Variants in BAZ2B observed in about 807,000 individuals in gnomAD.
The protein encoded by BAZ2B is bromodomain adjacent to zinc finger domain protein 2B.
Under a neutral mutation model 246.0 loss-of-function variants are expected in BAZ2B, and 91 were observed. That is an observed-to-expected ratio of 0.37 (90% CI 0.31 to 0.44). The LOEUF is 0.44. Among genes scored for constraint, BAZ2B ranks in the 20% least tolerant of loss-of-function variants. The probability of loss-of-function intolerance (pLI) is 1.00; values close to 1 mark genes in which losing one functional copy is unlikely to be tolerated. For missense variants in BAZ2B, 2,332 were observed against 2,533.7 expected (o/e 0.92, Z 1.71); for synonymous variants, 855 against 860.0 (o/e 0.99, Z 0.10).
intron 8 of BAZ2B, chr2:159,435,149 A>G (rs546259940): frequency 1.3e-5 from 2 of 152,000 alleles, no homozygotes; most frequent in African/African-American, 4.8e-5. Flanking sequence ...TGGAGATTTC[A>G]CAAGTGTAAA....
At chr2:159,407,932 CTTT>C (rs1173051484) in intron 14 of BAZ2B, among the ~76,000 whole-genome samples, 1 of 152,140 alleles carries the variant, frequency 6.6e-6, no homozygotes, top group East Asian at 1.9e-4. Context: ...ATAAATATTT[CTTT>C]AACATTAAGA....
At chr2:159,316,508 G>C (rs1053662895), downstream of BAZ2B, among the ~76,000 whole-genome samples, 3 of 151,672 alleles carry the variant, frequency 2.0e-5, no homozygotes, top group Non-Finnish European at 2.9e-5. Flanking sequence ...TGGCTAACAC[G>C]GTGAAACCCC....
rs144939437 is a variant in BAZ2B, at chr2:159,484,670, A to C, written c.-2-5949T>G. Reference sequence around the variant, plus strand: ...TATCTCAAGTATTCCTGTTTTGTGTAATCATAGAGTTCATGAACACTGACA... The same window carrying C: ...TATCTCAAGTATTCCTGTTTTGTGTCATCATAGAGTTCATGAACACTGACA... On this transcript the variant is annotated intron_variant, in intron 2 of 36. Coordinates refer to ENST00000392783, the MANE Select transcript of BAZ2B (RefSeq NM_013450.4). Among the ~76,000 whole-genome samples, 37 of 152,312 alleles carry C rather than the reference A, an allele frequency of 2.4e-4. 1 individual carries two copies. In the East Asian group the frequency reaches 4.1e-3, roughly 17 times the overall value.
At position 159,448,274 on chromosome 2, in the gene BAZ2B, G is replaced by A. The variant is rs537143287; in HGVS notation, c.470C>T (p.Ser157Leu). Reference sequence around the variant, plus strand: ...GGGACCATTTCGATTACTTTTTCCCGAAGTCCTTGAATGGAATGAAGAAGA... The same window carrying A: ...GGGACCATTTCGATTACTTTTTCCCAAAGTCCTTGAATGGAATGAAGAAGA... ...HDSSSFHSRT[S>L]GKSNRNGPEK... Residue 157 changes from serine to leucine, a missense_variant, in exon 5 of 37, where the codon TCG becomes TTG. By Grantham distance (145) the Ser-to-Leu change is moderately radical. Around this residue, in one of 9 missense-constraint regions of BAZ2B, gnomAD observed 242 missense variants for 237.4 expected, o/e 1.02. Transcript: ENST00000392783. The A allele has an allele frequency of 1.9e-5, 31 of 1,611,850 alleles. No individual in the cohort carries two copies. Among genetic ancestry groups the A allele is most frequent in the Admixed American group, 3.4e-5 (2 of 59,386 alleles).
At chr2:159,329,828 G>A (rs947719434) in intron 34 of BAZ2B, among the ~76,000 whole-genome samples, 1 of 152,116 alleles carries the variant, frequency 6.6e-6, no homozygotes, top group Admixed American at 6.6e-5. Flanking sequence ...ATGTCTCCAA[G>A]TTTACTGCTT....
At chr2:159,669,708 C>T in the BAZ2B span, among the ~76,000 whole-genome samples, 8 of 152,158 alleles carry the variant, frequency 5.3e-5, no homozygotes, top group African/African-American at 1.7e-4. Context: ...GCTGTTTCTT[C>T]TTTTTATGCT....
At chr2:159,628,473 T>C in the BAZ2B span, among the ~76,000 whole-genome samples, 52 of 152,182 alleles carry the variant, frequency 3.4e-4, no homozygotes, top group African/African-American at 1.2e-3. Context: ...GAAACAGATA[T>C]ATAGACCAAT....
chr2:159,460,888 T>C (rs912427388), intron 3 of BAZ2B: 1 of 152,204 alleles, frequency 6.6e-6, no homozygotes, highest in Non-Finnish European at 1.5e-5. Flanking sequence ...ATTTCACTCT[T>C]GCATTCTAAA....
chr2:159,478,704 G>A lies in BAZ2B; in HGVS notation c.16C>T (p.Arg6Trp), dbSNP rs201823989. 7.2e-5 allele frequency: 115 copies of A among 1,590,928 alleles called. No homozygotes were observed. The highest frequency in any genetic ancestry group is 8.6e-5 in the Non-Finnish European group (100 of 1,168,670). ...GAGGAGGCTGCTGAGGATGGTAACC[G>A]TTCTCCAGACTCCATATCTATGAGA... is the stretch of plus-strand genomic sequence containing the variant. MESGE[R>W]LPSSAASSTT... Residue 6 changes from arginine (R) to tryptophan (W), a missense_variant, in exon 3 of 37, where the codon CGG (arginine) becomes TGG (tryptophan). This residue lies in a region of BAZ2B where 242 missense variants were observed against 237.4 expected (regional missense o/e 1.02). Coordinates refer to ENST00000392783, the MANE Select transcript of BAZ2B (RefSeq NM_013450.4).
intron 23 of BAZ2B, among the ~76,000 whole-genome samples, 163 bp downstream of exon 23, chr2:159,384,992 A>T (rs1014352932): frequency 6.6e-6 from 1 of 152,186 alleles, no homozygotes; most frequent in African/African-American, 2.4e-5. Context: ...ATACATGAAA[A>T]TATTATTAGT....
intron 1 of BAZ2B, among the ~76,000 whole-genome samples, chr2:159,605,051 AC>A (rs1693143083): frequency 6.6e-6 from 1 of 151,886 alleles, no homozygotes; most frequent in Non-Finnish European, 1.5e-5. Context: ...AGAGAGAGAG[AC>A]AGAGACAGGA....
chr2:159,397,445 A>G, intron 18 of BAZ2B, 56 bp from the exon 19 acceptor site: 1 of 1,132,116 alleles, frequency 8.8e-7, no homozygotes, highest in South Asian at 1.5e-5. Flanking sequence ...AGAACATGCT[A>G]AAAGTATTAA....
At chr2:159,587,946 T>C (rs1244356696) in intron 1 of BAZ2B, among the ~76,000 whole-genome samples, 2 of 152,002 alleles carry the variant, frequency 1.3e-5, no homozygotes, top group Non-Finnish European at 2.9e-5. Flanking sequence ...ATACCAACAC[T>C]TTGGGAGGCC....
At chr2:159,385,462 A>C (rs2062529117) in intron 22 of BAZ2B, 93 bp from the exon 23 acceptor site, 1 of 1,133,590 alleles carries the variant, frequency 8.8e-7, no homozygotes, top group Admixed American at 2.2e-5. Flanking sequence ...TTTGATTTAG[A>C]TACTACTGAC....
At chr2:159,387,572 A>G (rs1317509560) in intron 21 of BAZ2B, among the ~76,000 whole-genome samples, 1 of 152,148 alleles carries the variant, frequency 6.6e-6, no homozygotes, top group Non-Finnish European at 1.5e-5. Context: ...AAAACTATAG[A>G]TAATAGCTCA....
Position 159,427,853 on chromosome 2 carries a change from AATG to A in BAZ2B, c.2466+85_2466+87del. Reference sequence around the variant, plus strand: ...CCATATGAACTAATTAAAGAAAGGCAATGCTCCAGAGTGTAGTGAAATTTACTT... The same window carrying A: ...CCATATGAACTAATTAAAGAAAGGCACTCCAGAGTGTAGTGAAATTTACTT... On this transcript the variant is annotated intron_variant, in intron 13 of 36. Coordinates refer to ENST00000392783, the MANE Select transcript of BAZ2B (RefSeq NM_013450.4). 3.9e-6 allele frequency: 4 copies of A among 1,034,640 alleles called. No individual in the cohort carries two copies. In the Middle Eastern group the frequency reaches 6.3e-4, roughly 163 times the overall value. The allele number at this position is 1,034,640 out of a possible 1,614,324, so 64.1% of individuals were successfully genotyped here. A position where few individuals can be genotyped will look rare whatever the true frequency, so the allele number is the denominator to read the frequency against.
chr2:159,581,803 T>C (rs1686855648), intron 1 of BAZ2B, among the ~76,000 whole-genome samples: 3 of 151,868 alleles, frequency 2.0e-5, no homozygotes, highest in Admixed American at 2.0e-4. Context: ...ACCATCATTC[T>C]GAGCAAACTA....
chr2:159,691,996 C>T, the BAZ2B span, among the ~76,000 whole-genome samples: 4 of 152,154 alleles, frequency 2.6e-5, no homozygotes, highest in African/African-American at 9.7e-5. Context: ...TTTCTCTCCA[C>T]TGTGAATGAT....
chr2:159,461,542 T>C (rs1184622989), intron 3 of BAZ2B: 1 of 152,496 alleles, frequency 6.6e-6, no homozygotes, highest in Admixed American at 6.5e-5. Flanking sequence ...CATTTGCTTA[T>C]AGTACAATCC....
Sources: gnomAD v4.1 joint callset for allele counts (sites outside exome capture counted in the v4.1 genomes callset) on GRCh38, gnomAD v4.1.1 for gene constraint, gnomAD v4.1.1 regional missense constraint, MANE v1.5 for transcripts, NCBI Gene and HGNC (gene_info 2026-07-23, HGNC 2026-07-21) for gene names.